The following NECTIN3 variants were observed in gnomAD, a reference collection of about 807,000 sequenced individuals.
NECTIN3 encodes the protein nectin cell adhesion molecule 3, also known as nectin-3.
In NECTIN3, 8 loss-of-function variants were observed where a neutral mutation model predicts 49.4. That is an observed-to-expected ratio of 0.16 (90% CI 0.10 to 0.29). The LOEUF is 0.29. Ranked by LOEUF, NECTIN3 falls within the 10% of genes least tolerant of loss-of-function variation. The probability of loss-of-function intolerance (pLI) is 1.00; values close to 1 mark genes in which losing one functional copy is unlikely to be tolerated. For missense variants in NECTIN3, 581 were observed against 654.6 expected (o/e 0.89, Z 1.23); for synonymous variants, 277 against 241.1 (o/e 1.15, Z -1.38).
intron 7 of NECTIN3, among the ~76,000 whole-genome samples, chr3:111,174,280 T>C (rs1345225990): frequency 6.6e-6 from 1 of 152,352 alleles, no homozygotes; most frequent in Non-Finnish European, 1.5e-5. Context: ...CAAAAATCTC[T>C]AAGCAAATCA....
intron 1 of NECTIN3, among the ~76,000 whole-genome samples, chr3:111,089,774 G>T (rs1490809451): frequency 6.6e-6 from 1 of 152,064 alleles, no homozygotes; most frequent in Non-Finnish European, 1.5e-5. Context: ...ATATGAGTTA[G>T]ATCGAGTTGG....
At chr3:111,093,426 G>GTTTT (rs35209735) in intron 1 of NECTIN3, among the ~76,000 whole-genome samples, 4 of 140,232 alleles carry the variant, frequency 2.9e-5, no homozygotes, top group Non-Finnish European at 4.6e-5. Flanking sequence ...ATTTTGTTGG[G>GTTTT]TTTTTTTTTT....
chr3:111,159,977 T>C (rs2035177586), intron 7 of NECTIN3, among the ~76,000 whole-genome samples: 2 of 152,232 alleles, frequency 1.3e-5, no homozygotes, highest in Admixed American at 6.5e-5. Flanking sequence ...TCTGACTTGC[T>C]CTCACTGTTT....
At chr3:111,145,214 C>T (rs985472066) in intron 6 of NECTIN3, among the ~76,000 whole-genome samples, 16 of 152,096 alleles carry the variant, frequency 1.1e-4, no homozygotes, top group Non-Finnish European at 2.2e-4. Context: ...GCTAAATGAA[C>T]ATTTTCAAGG....
At chr3:111,189,743 G>T (rs2035780862), upstream of NECTIN3, among the ~76,000 whole-genome samples, 1 of 152,156 alleles carries the variant, frequency 6.6e-6, no homozygotes, top group Admixed American at 6.6e-5. Flanking sequence ...GAAAATGCTG[G>T]GCCCCATGTT....
chr3:111,143,562 A>G (rs529577846), intron 5 of NECTIN3, among the ~76,000 whole-genome samples: 2 of 152,106 alleles, frequency 1.3e-5, no homozygotes, highest in African/African-American at 4.8e-5. Flanking sequence ...ATGTATTTAT[A>G]TGGGAATACT....
chr3:111,151,088 T>G (rs1431737669), intron 7 of NECTIN3, among the ~76,000 whole-genome samples: 1 of 151,892 alleles, frequency 6.6e-6, no homozygotes, highest in Non-Finnish European at 1.5e-5. Flanking sequence ...ACCATATTCT[T>G]AGTGCATAAC....
chr3:111,154,969 G>A (rs941037163), intron 7 of NECTIN3, among the ~76,000 whole-genome samples: 4 of 151,704 alleles, frequency 2.6e-5, no homozygotes, highest in Non-Finnish European at 5.9e-5. Flanking sequence ...AACAAGTCTT[G>A]CTCTGTTGCC....
chr3:111,109,827 A>G (rs1322357217), intron 1 of NECTIN3, among the ~76,000 whole-genome samples: 1 of 152,062 alleles, frequency 6.6e-6, no homozygotes, highest in African/African-American at 2.4e-5. Flanking sequence ...GGTTTTCACT[A>G]TAATTGCATT....
At chr3:111,073,232 T>C (rs2030928760) in intron 1 of NECTIN3, among the ~76,000 whole-genome samples, 2 of 152,158 alleles carry the variant, frequency 1.3e-5, no homozygotes, top group Admixed American at 1.3e-4. Context: ...AGATTGGTTT[T>C]CAGTATTTCA....
chr3:111,144,986 T>C, exon 6 of NECTIN3: 2 of 1,536,550 alleles, frequency 1.3e-6, no homozygotes, highest in South Asian at 2.4e-5. Context: ...GCTATCTTTG[T>C]GACTGTGCTG....
chr3:111,105,157 T>G (rs1180675019), intron 1 of NECTIN3, among the ~76,000 whole-genome samples: 1 of 151,894 alleles, frequency 6.6e-6, no homozygotes, highest in Non-Finnish European at 1.5e-5. Context: ...TTTCTTTTTT[T>G]TTTGAGACAG....
At chr3:111,080,967 AG>A (rs1448207910) in intron 1 of NECTIN3, among the ~76,000 whole-genome samples, 1 of 151,946 alleles carries the variant, frequency 6.6e-6, no homozygotes, top group African/African-American at 2.4e-5. Context: ...CAGATAAAAC[AG>A]GGTGGTTTTA....
intron 1 of NECTIN3, among the ~76,000 whole-genome samples, chr3:111,092,650 GTCT>G (rs1205782625): frequency 6.6e-6 from 1 of 152,042 alleles, no homozygotes; most frequent in Non-Finnish European, 1.5e-5. Context: ...TGATTCATAT[GTCT>G]TCTTATTCTA....
chr3:111,103,698 A>G (rs2033034004), intron 1 of NECTIN3, among the ~76,000 whole-genome samples: 1 of 152,078 alleles, frequency 6.6e-6, no homozygotes, highest in African/African-American at 2.4e-5. Flanking sequence ...AAAAAGGAGT[A>G]GTGAGAGGGG....
At chr3:111,129,174 C>T (rs2034285300) in intron 5 of NECTIN3, among the ~76,000 whole-genome samples, 1 of 149,392 alleles carries the variant, frequency 6.7e-6, no homozygotes, top group Admixed American at 6.6e-5. Flanking sequence ...TTCTTTACCT[C>T]ACTTCTTAAG....
At chr3:111,150,943 A>G (rs1422776821) in intron 7 of NECTIN3, among the ~76,000 whole-genome samples, 1 of 151,950 alleles carries the variant, frequency 6.6e-6, no homozygotes, top group African/African-American at 2.4e-5. Context: ...GATAGCTGTT[A>G]TTCCTGTAAG....
At chr3:111,088,957 G>A (rs1340820367) in intron 1 of NECTIN3, among the ~76,000 whole-genome samples, 1 of 151,912 alleles carries the variant, frequency 6.6e-6, no homozygotes, top group African/African-American at 2.4e-5. Context: ...TTTAAGGGAA[G>A]GATTTTTAAT....
chr3:111,097,927 G>A lies in NECTIN3; in HGVS notation c.161-14103G>A, dbSNP rs368322076. Among the ~76,000 whole-genome samples, 11 of 152,278 alleles carry A rather than the reference G, an allele frequency of 7.2e-5. No individual in the cohort carries two copies. The East Asian group carries it at 1.5e-3, about 21-fold the overall frequency. ...AAATGAAGCTGCTCTGACAGAAGCT[G>A]TTAGCCTTGTGCTTTGAAATTCTCT... is the stretch of plus-strand genomic sequence containing the variant. On this transcript the variant is annotated intron_variant, in intron 1 of 5. Coordinates refer to ENST00000485303, the MANE Select transcript of NECTIN3 (RefSeq NM_015480.3).
Sources: allele counts gnomAD v4.1 joint callset (sites outside exome capture counted in the v4.1 genomes callset), GRCh38; gene constraint gnomAD v4.1.1; transcripts MANE v1.5; gene names NCBI Gene and HGNC (gene_info 2026-07-23, HGNC 2026-07-21).